RARS2: variants seen among roughly 807,000 people sequenced by gnomAD.
RARS2 encodes probable arginine--tRNA ligase, mitochondrial.
RARS2 carries 67 observed loss-of-function variants against 88.5 expected under a neutral mutation model. The ratio of observed to expected loss-of-function variants is 0.76; its 90% CI spans 0.62 to 0.93. RARS2 has a LOEUF of 0.93. RARS2 is among the 40% of genes least tolerant of loss of function. The pLI is 0.00. For missense variants in RARS2, 664 were observed against 684.2 expected, an observed-to-expected ratio of 0.97 and a Z score of 0.33; for synonymous variants, 239 against 230.3, an observed-to-expected ratio of 1.04 and a Z score of -0.34.
chr6:87,555,529 T>C (rs1259506193), intron 4 of RARS2, 24 bp from the exon 5 acceptor site: 2 of 1,536,818 alleles, frequency 1.3e-6, no homozygotes, highest in Admixed American at 3.3e-5. Context: ...GACTGTAATT[T>C]AATGAACAAA....
At chr6:87,558,444 A>C (rs945161828) in intron 4 of RARS2, among the ~76,000 whole-genome samples, 1 of 152,200 alleles carries the variant, frequency 6.6e-6, no homozygotes, top group Non-Finnish European at 1.5e-5. Context: ...ATATCATTAC[A>C]GTTATTTAAT....
intron 1 of RARS2, among the ~76,000 whole-genome samples, chr6:87,587,245 G>T (rs1024817162): frequency 6.6e-6 from 1 of 152,106 alleles, no homozygotes. Context: ...GAGCTCCAAT[G>T]AACTCAATGA....
chr6:87,540,222 G>C (rs1780474809), intron 8 of RARS2, among the ~76,000 whole-genome samples: 1 of 151,782 alleles, frequency 6.6e-6, no homozygotes, highest in African/African-American at 2.4e-5. Context: ...GGCCGAGGTG[G>C]GCTGATCATG....
At chr6:87,519,312 C>CA in intron 14 of RARS2, 1 of 385,364 alleles carries the variant, frequency 2.6e-6, no homozygotes, top group Admixed American at 4.0e-5. Flanking sequence ...AACATAGAAA[C>CA]TTCACGTAAT....
chr6:87,577,571 T>C (rs939741441), intron 1 of RARS2, among the ~76,000 whole-genome samples: 3 of 152,144 alleles, frequency 2.0e-5, no homozygotes, highest in Non-Finnish European at 2.9e-5. Context: ...TTCTGAGAAG[T>C]CATAATTTCT....
intron 2 of RARS2, 107 bp from the exon 3 acceptor site, chr6:87,564,339 A>C (rs1767165010): frequency 1.2e-6 from 1 of 839,784 alleles, no homozygotes; most frequent in African/African-American, 1.7e-5. Flanking sequence ...CTTTACCAGA[A>C]GAAGGTGTTA....
At chr6:87,564,539 T>C (rs1358550326) in intron 2 of RARS2, 8 of 382,550 alleles carry the variant, frequency 2.1e-5, no homozygotes, top group Non-Finnish European at 3.5e-5. Flanking sequence ...CATGGTGGTG[T>C]GTACCTACAA....
chr6:87,539,824 C>T (rs1377947238), intron 8 of RARS2, among the ~76,000 whole-genome samples: 1 of 152,130 alleles, frequency 6.6e-6, no homozygotes, highest in Non-Finnish European at 1.5e-5. Context: ...TTCTTTGTGG[C>T]ACCGGGGAAC....
chr6:87,567,209 G>A (rs1451830060), intron 2 of RARS2, among the ~76,000 whole-genome samples: 1 of 152,168 alleles, frequency 6.6e-6, no homozygotes, highest in Non-Finnish European at 1.5e-5. Flanking sequence ...CCAAGATTGT[G>A]CCACTGCACT....
intron 9 of RARS2, 132 bp downstream of exon 9, chr6:87,530,652 T>C: frequency 8.1e-7 from 1 of 1,228,244 alleles, no homozygotes; most frequent in Non-Finnish European, 1.2e-6. Context: ...AAAAAAAAAT[T>C]TGAGTCTTAA....
intron 4 of RARS2, among the ~76,000 whole-genome samples, chr6:87,559,399 G>A (rs1411516919): frequency 6.7e-6 from 1 of 150,132 alleles, no homozygotes; most frequent in Non-Finnish European, 1.5e-5. Context: ...CCTGGGGGGC[G>A]GAGGTGGGAG....
At chr6:87,579,795 C>T (rs1363257470) in intron 1 of RARS2, among the ~76,000 whole-genome samples, 1 of 128,220 alleles carries the variant, frequency 7.8e-6, no homozygotes. Context: ...GATGCAATCT[C>T]TGCCCACTGC....
chr6:87,571,121 CCCA>C (rs1769553877), intron 1 of RARS2, among the ~76,000 whole-genome samples: 1 of 151,992 alleles, frequency 6.6e-6, no homozygotes, highest in African/African-American at 2.4e-5. Flanking sequence ...TCCCATAATC[CCCA>C]CGTGTCATGG....
At chr6:87,578,346 T>C (rs780983181) in intron 1 of RARS2, among the ~76,000 whole-genome samples, 1 of 152,170 alleles carries the variant, frequency 6.6e-6, no homozygotes, top group African/African-American at 2.4e-5. Flanking sequence ...TTTCTGCCTG[T>C]ATATCTGCAT....
At chr6:87,517,291 A>G (rs574554227) in intron 17 of RARS2, among the ~76,000 whole-genome samples, 18 of 152,294 alleles carry the variant, frequency 1.2e-4, no homozygotes, top group Non-Finnish European at 2.2e-4. Context: ...AAAAAAGAAG[A>G]GTAGAAGGAT....
chr6:87,569,132 T>G (rs1237207502), intron 2 of RARS2, among the ~76,000 whole-genome samples: 3 of 152,186 alleles, frequency 2.0e-5, no homozygotes, highest in African/African-American at 7.2e-5. Context: ...TACAACAGTA[T>G]TCAAGCACCA....
chr6:87,573,311 G>C (rs1770383580), intron 1 of RARS2, among the ~76,000 whole-genome samples: 1 of 152,084 alleles, frequency 6.6e-6, no homozygotes, highest in Non-Finnish European at 1.5e-5. Context: ...TTCTATCACC[G>C]AGGCAGCACT....
chr6:87,529,988 A>G (rs1489646905), intron 9 of RARS2, among the ~76,000 whole-genome samples: 2 of 152,160 alleles, frequency 1.3e-5, no homozygotes, highest in Non-Finnish European at 2.9e-5. Flanking sequence ...GTGCTGTGCA[A>G]TACAGTAATC....
chr6:87,535,671 G>GTTTTTT, intron 8 of RARS2, among the ~76,000 whole-genome samples: 1 of 129,970 alleles, frequency 7.7e-6, no homozygotes, highest in Non-Finnish European at 1.6e-5. Flanking sequence ...TTATGTAACT[G>GTTTTTT]TTTTGTTTTT....
Sources: gnomAD v4.1 joint callset for allele counts (sites outside exome capture counted in the v4.1 genomes callset) on GRCh38, gnomAD v4.1.1 for gene constraint, MANE v1.5 for transcripts, NCBI Gene and HGNC (gene_info 2026-07-23, HGNC 2026-07-21) for gene names.